DSCAM: variants seen among roughly 807,000 people sequenced by gnomAD.
DSCAM encodes DS cell adhesion molecule, also known as cell adhesion molecule DSCAM.
In DSCAM, 47 loss-of-function variants were observed where a neutral mutation model predicts 217.7. The ratio of observed to expected loss-of-function variants is 0.22; its 90% confidence interval spans 0.17 to 0.28. The LOEUF is 0.28. DSCAM is among the 10% of genes least tolerant of loss of function. The pLI, the probability that DSCAM is intolerant of heterozygous loss-of-function variation, is 1.00. For missense variants in DSCAM, 2,080 were observed against 2,618.3 expected (o/e 0.79, Z 4.49); for synonymous variants, 1,056 against 1,015.3 (o/e 1.04, Z -0.76).
chr21:40,340,494 G>A (rs1440709143), intron 6 of DSCAM, among the ~76,000 whole-genome samples: 1 of 152,180 alleles, frequency 6.6e-6, no homozygotes, highest in East Asian at 1.9e-4. Flanking sequence ...AGGTCAGCCA[G>A]CCTCAGGCAT....
At chr21:40,517,078 A>G (rs1204590138) in intron 3 of DSCAM, among the ~76,000 whole-genome samples, 1 of 148,160 alleles carries the variant, frequency 6.7e-6, no homozygotes, top group Non-Finnish European at 1.5e-5. Flanking sequence ...TACATATGTT[A>G]CATATATATG....
chr21:40,610,345 C>T (rs549356962), intron 3 of DSCAM, among the ~76,000 whole-genome samples: 60 of 152,274 alleles, frequency 3.9e-4, no homozygotes, highest in Non-Finnish European at 7.3e-4. Flanking sequence ...TTTGGTTTGC[C>T]CCTTCAGCAA....
rs531285706 is a variant in DSCAM, at chr21:40,427,071, A to G, written c.509-57826T>C. 1.2e-4 allele frequency among the ~76,000 whole-genome samples: 18 copies of G among 152,308 alleles called. No homozygotes were observed. The East Asian group carries it at 2.5e-3, about 21-fold the overall frequency. On this transcript the variant is annotated intron_variant, in intron 3 of 32. Transcript: ENST00000400454. ...GAGTGTTCTGATTCCAGGCTCACCAAGCAACCTTCTGGCCACAGCACTCTC... is the reference window on the plus strand; with the variant it reads ...GAGTGTTCTGATTCCAGGCTCACCAGGCAACCTTCTGGCCACAGCACTCTC...
chr21:40,103,821 A>ATT (rs1222674497), intron 20 of DSCAM, among the ~76,000 whole-genome samples: 4 of 150,706 alleles, frequency 2.7e-5, no homozygotes, highest in East Asian at 1.9e-4. Context: ...TATAGATACC[A>ATT]TTATATATAT....
chr21:40,235,909 A>C (rs1232875322), intron 11 of DSCAM, among the ~76,000 whole-genome samples: 2 of 152,204 alleles, frequency 1.3e-5, no homozygotes, highest in Non-Finnish European at 2.9e-5. Flanking sequence ...TGTTGCATGG[A>C]TAATTTTTCT....
chr21:40,170,265 T>C (rs2090641901), intron 15 of DSCAM, among the ~76,000 whole-genome samples: 1 of 152,304 alleles, frequency 6.6e-6, no homozygotes, highest in East Asian at 1.9e-4. Context: ...CCTGTCCCTG[T>C]AGTGTGCATA....
chr21:40,029,200 A>G (rs938852185), intron 32 of DSCAM, among the ~76,000 whole-genome samples: 2 of 151,354 alleles, frequency 1.3e-5, no homozygotes, highest in African/African-American at 4.9e-5. Context: ...ACCTTCTTGG[A>G]TTACTGCTTC....
intron 3 of DSCAM, among the ~76,000 whole-genome samples, chr21:40,595,415 A>AAGAGAAGGGAAGGG (rs2077014250): frequency 6.6e-6 from 1 of 152,040 alleles, no homozygotes; most frequent in Admixed American, 6.6e-5. Context: ...AAGGAAGGAA[A>AAGAGAAGGGAAGGG]AGAGAAGGGA....
chr21:40,335,959 G>A lies in DSCAM; in HGVS notation c.1783+2142C>T, dbSNP rs549048949. ...ATGACTATTCATTGTACTGTTTACC[G>A]ATGCATACTGTGAGTTGGTTTTTTA... On this transcript the variant is annotated intron_variant, in intron 8 of 32. Coordinates refer to ENST00000400454, the MANE Select transcript of DSCAM (RefSeq NM_001389.5). Among the ~76,000 whole-genome samples the A allele has an allele frequency of 1.0e-3, 159 of 152,286 alleles. 3 individuals are homozygous for A. The highest frequency in any genetic ancestry group is 5.6e-3 in the South Asian group (27 of 4,828).
At chr21:40,626,688 G>A (rs1487814128) in intron 3 of DSCAM, among the ~76,000 whole-genome samples, 1 of 152,120 alleles carries the variant, frequency 6.6e-6, no homozygotes, top group Admixed American at 6.5e-5. Flanking sequence ...TGTACATAGA[G>A]AGACCTTCCT....
At chr21:40,824,835 C>T (rs1473033510) in intron 1 of DSCAM, among the ~76,000 whole-genome samples, 1 of 152,196 alleles carries the variant, frequency 6.6e-6, no homozygotes, top group Non-Finnish European at 1.5e-5. Context: ...CCAATCTTTT[C>T]ACTGCCCACG....
At chr21:40,398,443 C>T (rs200194906) in intron 3 of DSCAM, among the ~76,000 whole-genome samples, 1 of 152,068 alleles carries the variant, frequency 6.6e-6, no homozygotes, top group East Asian at 1.9e-4. Context: ...ATTCCCTATC[C>T]CATGTTTAAA....
chr21:40,121,839 G>A lies in DSCAM; in HGVS notation c.3696+2356C>T, dbSNP rs1264641164. 2.0e-5 allele frequency among the ~76,000 whole-genome samples: 3 copies of A among 151,834 alleles called. No individual in the cohort carries two copies. The East Asian group carries it at 5.8e-4, about 29-fold the overall frequency. On this transcript the variant is annotated intron_variant, in intron 20 of 32. Coordinates refer to ENST00000400454, the MANE Select transcript of DSCAM (RefSeq NM_001389.5). Reference sequence around the variant, plus strand: ...CCCAAGTACCTGAGATTACAGGCATGTACCACCACACCTGGCTAATTTTTG... The same window carrying A: ...CCCAAGTACCTGAGATTACAGGCATATACCACCACACCTGGCTAATTTTTG...
At chr21:40,188,011 T>A in intron 12 of DSCAM, 24 bp from the exon 13 acceptor site, 1 of 1,587,876 alleles carries the variant, frequency 6.3e-7, no homozygotes, top group Non-Finnish European at 8.6e-7. Context: ...AGAAAGAAAT[T>A]CATCTTTTTC....
intron 15 of DSCAM, among the ~76,000 whole-genome samples, chr21:40,168,583 G>C (rs2090622035): frequency 6.6e-6 from 1 of 152,212 alleles, no homozygotes; most frequent in Admixed American, 6.5e-5. Context: ...AGCCAGTTCT[G>C]TGGACATTTG....
At chr21:40,238,186 G>A (rs375811221) in intron 11 of DSCAM, among the ~76,000 whole-genome samples, 32 of 152,260 alleles carry the variant, frequency 2.1e-4, no homozygotes, top group African/African-American at 7.5e-4. Flanking sequence ...TCCAGGAATA[G>A]AAATATAAGA....
intron 3 of DSCAM, among the ~76,000 whole-genome samples, chr21:40,646,410 CAAA>C (rs112111569): frequency 0.39 from 50,088 of 129,072 alleles, 9,542 homozygotes; most frequent in Admixed American, 0.53. Flanking sequence ...GAGACTCTGT[CAAA>C]AAAAAAAAAA....
chr21:40,198,567 T>C (rs566229515), intron 11 of DSCAM, among the ~76,000 whole-genome samples: 1 of 152,310 alleles, frequency 6.6e-6, no homozygotes, highest in East Asian at 1.9e-4. Flanking sequence ...TACTGCCACC[T>C]AGAAGCAGGG....
At chr21:40,215,689 T>C (rs73230353) in intron 11 of DSCAM, among the ~76,000 whole-genome samples, 9,115 of 152,124 alleles carry the variant, frequency 0.06, 425 homozygotes, top group African/African-American at 0.12. Flanking sequence ...AACTAGCAGT[T>C]GGGTAAATGT....
Sources: gnomAD v4.1 joint callset for allele counts (sites outside exome capture counted in the v4.1 genomes callset) on GRCh38, gnomAD v4.1.1 for gene constraint, MANE v1.5 for transcripts, NCBI Gene and HGNC (gene_info 2026-07-23, HGNC 2026-07-21) for gene names.